Variants in KCTD1 observed in about 807,000 individuals in gnomAD.
The protein encoded by KCTD1 is potassium channel tetramerization domain containing 1.
Under a neutral mutation model 66.0 loss-of-function variants are expected in KCTD1, and 24 were observed. The observed-to-expected ratio is 0.36, with a 90% CI of 0.26 to 0.51. KCTD1 has a LOEUF of 0.51. Among genes scored for constraint, KCTD1 ranks in the 20% least tolerant of loss-of-function variants. The probability of loss-of-function intolerance (pLI) is 0.95; values close to 1 mark genes in which losing one functional copy is unlikely to be tolerated. For synonymous variants in KCTD1, 511 were observed against 517.2 expected (o/e 0.99, Z 0.16); for missense variants, 943 against 1,205.2 (o/e 0.78, Z 3.22).
intron 1 of KCTD1, among the ~76,000 whole-genome samples, chr18:26,574,224 TTAAA>T (rs1986173240): frequency 6.6e-6 from 1 of 152,256 alleles, no homozygotes; most frequent in Admixed American, 6.5e-5. Flanking sequence ...ATAGAGGATC[TTAAA>T]TAAACACATT....
At chr18:26,647,808 G>A (rs928166274) in intron 1 of KCTD1, among the ~76,000 whole-genome samples, 11 of 150,388 alleles carry the variant, frequency 7.3e-5, no homozygotes, top group South Asian at 6.3e-4. Flanking sequence ...GGTGATAGCC[G>A]TTTAACAAAT....
At chr18:26,566,381 C>G (rs1005379523) in intron 1 of KCTD1, 1 of 152,310 alleles carries the variant, frequency 6.6e-6, no homozygotes, top group African/African-American at 2.4e-5. Flanking sequence ...CACTTCCCAC[C>G]CCACCAGGCC....
At chr18:26,648,482 T>C (rs934979467) in intron 1 of KCTD1, among the ~76,000 whole-genome samples, 2 of 152,250 alleles carry the variant, frequency 1.3e-5, no homozygotes, top group Non-Finnish European at 2.9e-5. Context: ...TTTGTTTACC[T>C]GTATCCAAGA....
intron 1 of KCTD1, among the ~76,000 whole-genome samples, chr18:26,580,439 A>T (rs1322024757): frequency 1.3e-5 from 2 of 152,096 alleles, no homozygotes; most frequent in South Asian, 4.1e-4. Flanking sequence ...CTAAATTCTG[A>T]TAAGGACAGG....
chr18:26,576,107 A>G (rs1225814768), intron 1 of KCTD1, among the ~76,000 whole-genome samples: 1 of 152,194 alleles, frequency 6.6e-6, no homozygotes, highest in Non-Finnish European at 1.5e-5. Flanking sequence ...CATCCGCTTC[A>G]GTAGGAGTAG....
At chr18:26,462,477 G>A (rs1980486596) in intron 3 of KCTD1, among the ~76,000 whole-genome samples, 1 of 152,212 alleles carries the variant, frequency 6.6e-6, no homozygotes. Context: ...GTCACGGGGA[G>A]CAGATGACAG....
intron 1 of KCTD1, among the ~76,000 whole-genome samples, chr18:26,554,019 T>C (rs1161907002): frequency 1.0e-5 from 1 of 98,456 alleles, no homozygotes; most frequent in Non-Finnish European, 2.1e-5. Context: ...GAAAAGAAGA[T>C]GAAAGAAAAG....
At chr18:26,627,951 A>G (rs1598973995) in intron 1 of KCTD1, among the ~76,000 whole-genome samples, 2 of 152,308 alleles carry the variant, frequency 1.3e-5, no homozygotes, top group East Asian at 3.9e-4. Flanking sequence ...AAGACAAGCC[A>G]GAGCCCCCAG....
intron 1 of KCTD1, among the ~76,000 whole-genome samples, chr18:26,622,165 C>A (rs1464450770): frequency 1.3e-5 from 2 of 151,858 alleles, no homozygotes; most frequent in Non-Finnish European, 2.9e-5. Context: ...AAATTCTCTA[C>A]TAAAGATCAC....
chr18:26,513,866 G>A (rs1262556214), intron 1 of KCTD1, among the ~76,000 whole-genome samples: 1 of 152,186 alleles, frequency 6.6e-6, no homozygotes, highest in Admixed American at 6.5e-5. Flanking sequence ...AAGTATGAGT[G>A]CAAAAAAGAG....
chr18:26,588,839 A>G (rs1986529354), intron 1 of KCTD1, among the ~76,000 whole-genome samples: 1 of 144,222 alleles, frequency 6.9e-6, no homozygotes, highest in South Asian at 2.2e-4. Flanking sequence ...CACAAGGAGC[A>G]GAACTCCTTT....
At chr18:26,516,257 TTG>T (rs1429451264) in intron 1 of KCTD1, among the ~76,000 whole-genome samples, 1 of 152,204 alleles carries the variant, frequency 6.6e-6, no homozygotes, top group African/African-American at 2.4e-5. Context: ...CCTCATTTTC[TTG>T]ACCACCTGTT....
chr18:26,507,938 C>T (rs1269528471), intron 1 of KCTD1, among the ~76,000 whole-genome samples: 2 of 152,054 alleles, frequency 1.3e-5, no homozygotes, highest in Non-Finnish European at 2.9e-5. Flanking sequence ...TACATACGCA[C>T]ATGGAAGATT....
At chr18:26,586,953 T>TG (rs748548210) in intron 1 of KCTD1, among the ~76,000 whole-genome samples, 2 of 152,236 alleles carry the variant, frequency 1.3e-5, no homozygotes, top group Non-Finnish European at 2.9e-5. Flanking sequence ...CAAGTGCTGA[T>TG]GGAGAAGCTG....
At chr18:26,519,990 T>C (rs1289487932) in intron 1 of KCTD1, among the ~76,000 whole-genome samples, 1 of 152,250 alleles carries the variant, frequency 6.6e-6, no homozygotes, top group Non-Finnish European at 1.5e-5. Context: ...ACTGTACCTG[T>C]TCTAATTAGC....
chr18:26,632,611 T>C (rs796961701), upstream of KCTD1, among the ~76,000 whole-genome samples: 5 of 152,258 alleles, frequency 3.3e-5, no homozygotes, highest in African/African-American at 1.2e-4. Context: ...AGTAAGAGAA[T>C]ACAAGAGTTT....
At chr18:26,626,034 T>C (rs1158554347) in intron 1 of KCTD1, among the ~76,000 whole-genome samples, 5 of 152,012 alleles carry the variant, frequency 3.3e-5, no homozygotes, top group Non-Finnish European at 7.4e-5. Context: ...CTGGAACTGC[T>C]CTGGTCATTT....
At chr18:26,512,392 C>T (rs547136657) in intron 1 of KCTD1, among the ~76,000 whole-genome samples, 2 of 151,964 alleles carry the variant, frequency 1.3e-5, no homozygotes, top group East Asian at 1.9e-4. Flanking sequence ...TGTGAGCCAC[C>T]GCACCTGGCC....
chr18:26,656,398 G>A (rs544203436), intron 1 of KCTD1, among the ~76,000 whole-genome samples: 84 of 152,330 alleles, frequency 5.5e-4, no homozygotes, highest in African/African-American at 1.8e-3. Flanking sequence ...AGGAGGTGGG[G>A]AGGAAGAGGA....
Sources: allele counts gnomAD v4.1 joint callset (sites outside exome capture counted in the v4.1 genomes callset), GRCh38; gene constraint gnomAD v4.1.1; transcripts MANE v1.5; gene names NCBI Gene and HGNC (gene_info 2026-07-23, HGNC 2026-07-21).